ASS1: variants seen among roughly 807,000 people sequenced by gnomAD.
ASS1 encodes argininosuccinate synthase 1.
ASS1 carries 58 observed loss-of-function variants against 60.5 expected under a neutral mutation model. The observed-to-expected ratio is 0.96, with a 90% CI of 0.78 to 1.19. ASS1 has a LOEUF of 1.19. Among genes scored for constraint, ASS1 ranks in the 50% most tolerant of loss-of-function variants. ASS1 has a pLI of 0.00. For synonymous variants in ASS1, 200 were observed against 206.9 expected (o/e 0.97, Z 0.29); for missense variants, 454 against 547.3 (o/e 0.83, Z 1.70).
In ASS1 at chr9:130,470,131, G is replaced by A. The variant is rs1845832914; in HGVS notation, c.496-703G>A. ...AGCCTCATCTTCTTCCTCCTCTTAAGGCTGAGTCAGGTGGGCCTTCCATGC... is the reference window on the plus strand; with the variant it reads ...AGCCTCATCTTCTTCCTCCTCTTAAAGCTGAGTCAGGTGGGCCTTCCATGC... On this transcript the variant is annotated intron_variant, in intron 6 of 14. Coordinates refer to ENST00000352480, the MANE Select transcript of ASS1 (RefSeq NM_054012.4). The surrounding 1 kb of genome is among the most constrained non-coding windows in gnomAD (Gnocchi z 4.3). Among the ~76,000 whole-genome samples, 1 of 152,198 alleles carries A rather than the reference G, an allele frequency of 6.6e-6. No individual in the cohort carries two copies. Among genetic ancestry groups the A allele is most frequent in the African/African-American group, 2.4e-5 (1 of 41,452 alleles).
rs376408214 is a variant in ASS1, at chr9:130,479,281, CTG to C, written c.689-412_689-411del. On this transcript the variant is annotated intron_variant, in intron 9 of 14. Coordinates refer to ENST00000352480, the MANE Select transcript of ASS1 (RefSeq NM_054012.4). ...TCCGCCTGACAGACGTGGCAGGGGGCTGTGTGTGTGTGTGTGTGTGTGTGAGC... is the reference window on the plus strand; with the variant it reads ...TCCGCCTGACAGACGTGGCAGGGGGCTGTGTGTGTGTGTGTGTGTGTGAGC... Among the ~76,000 whole-genome samples the C allele has an allele frequency of 5.3e-3, 785 of 147,500 alleles. 6 individuals carry two copies. Among genetic ancestry groups the C allele is most frequent in the Middle Eastern group, 0.025 (7 of 278 alleles).
At chr9:130,481,285 G>C (rs192479679) in intron 11 of ASS1, among the ~76,000 whole-genome samples, 1 of 152,254 alleles carries the variant, frequency 6.6e-6, no homozygotes, top group Admixed American at 6.5e-5. Flanking sequence ...TCTTTCTTGG[G>C]GGTCCTAAGA....
chr9:130,456,821 G>A (rs139045510), intron 3 of ASS1, among the ~76,000 whole-genome samples: 2,351 of 152,056 alleles, frequency 0.015, 57 homozygotes, highest in African/African-American at 0.053. Context: ...AGCCACTCGG[G>A]AGGCTGAGGC....
chr9:130,475,031 A>G (rs1341400672), intron 8 of ASS1, among the ~76,000 whole-genome samples: 1 of 152,210 alleles, frequency 6.6e-6, no homozygotes, highest in Non-Finnish European at 1.5e-5. Context: ...TGGAGGATCC[A>G]CCACAGTCCC....
chr9:130,473,466 GGGGCACCCAGAGTCCCACCC>G (rs1845923133), intron 8 of ASS1, among the ~76,000 whole-genome samples: 1 of 149,914 alleles, frequency 6.7e-6, no homozygotes, highest in African/African-American at 2.4e-5. Context: ...TGAGAGGCCC[GGGGCACCCAGAGTCCCACCC>G]AGGCACCCAG....
rs147253038 is a variant in ASS1, at chr9:130,453,020, G to A, written c.105+687G>A. Among the ~76,000 whole-genome samples the A allele has an allele frequency of 3.4e-3, 525 of 152,352 alleles. 4 individuals carry two copies. The highest frequency in any genetic ancestry group is 0.012 in the African/African-American group (508 of 41,578). On this transcript the variant is annotated intron_variant, in intron 2 of 14. Transcript: ENST00000352480. ...TTGGCTCACACAACTGAGAACTCCA[G>A]GGGTAGGATGGCTTCAGGCAGGGCT...
Position 130,470,272 on chromosome 9 carries a change from G to A in ASS1, c.496-562G>A, listed in dbSNP as rs1779815673. Among the ~76,000 whole-genome samples the A allele has an allele frequency of 1.3e-5, 2 of 152,224 alleles. No individual in the cohort carries two copies. The highest frequency in any genetic ancestry group is 4.1e-4 in the South Asian group (2 of 4,834). ...AGCCAGAGCCGAGTGCCTTGGAGACGGGATCTGCTGGGTGTTCCCCTTCTA... is the reference window on the plus strand; with the variant it reads ...AGCCAGAGCCGAGTGCCTTGGAGACAGGATCTGCTGGGTGTTCCCCTTCTA... On this transcript the variant is annotated intron_variant, in intron 6 of 14. Transcript: ENST00000352480. This position sits in a 1 kb window ranked among gnomAD's most constrained non-coding sequence, Gnocchi z 4.3.
In ASS1 at chr9:130,477,689, G is replaced by T. The variant is rs954014748; in HGVS notation, c.688+728G>T. Among the ~76,000 whole-genome samples the T allele has an allele frequency of 1.3e-5, 2 of 152,172 alleles. No individual in the cohort carries two copies. The highest frequency in any genetic ancestry group is 2.9e-5 in the Non-Finnish European group (2 of 68,012). ...CTGGGCTCAGAGGGAGGGCTCAGAG[G>T]GCGGGCTCAGAGGGCCTGAAGGGGT... On this transcript the variant is annotated intron_variant, in intron 9 of 14. Coordinates refer to ENST00000352480, the MANE Select transcript of ASS1 (RefSeq NM_054012.4). The surrounding 1 kb of genome is among the most constrained non-coding windows in gnomAD (Gnocchi z 4.2).
At chr9:130,472,543 G>A (rs1845893495) in intron 8 of ASS1, among the ~76,000 whole-genome samples, 1 of 152,260 alleles carries the variant, frequency 6.6e-6, no homozygotes, top group East Asian at 1.9e-4. Context: ...TGCTCAGGGC[G>A]AGGGAACGGG....
intron 3 of ASS1, among the ~76,000 whole-genome samples, chr9:130,456,402 G>A (rs891289585): frequency 1.3e-5 from 2 of 152,010 alleles, no homozygotes; most frequent in Non-Finnish European, 2.9e-5. Context: ...GGAGGCGGAG[G>A]TTGCAGTAAG....
At position 130,494,481 on chromosome 9, in the gene ASS1, C is replaced by A. The variant is rs1846531201; in HGVS notation, c.971-386C>A. 6.6e-6 allele frequency among the ~76,000 whole-genome samples: 1 copy of A among 152,252 alleles called. No homozygotes were observed. Among genetic ancestry groups the A allele is most frequent in the Admixed American group, 6.5e-5 (1 of 15,284 alleles). On this transcript the variant is annotated intron_variant, in intron 12 of 14. Transcript: ENST00000352480. The surrounding 1 kb of genome is among the most constrained non-coding windows in gnomAD (Gnocchi z 4.3). ...TGTGCCTCTGAGTCCTGTCTGAGGTCTTCTGCCTCCCCCGGAGATTAGAGC... is the reference window on the plus strand; with the variant it reads ...TGTGCCTCTGAGTCCTGTCTGAGGTATTCTGCCTCCCCCGGAGATTAGAGC...
chr9:130,461,190 C>G (rs370935914), intron 4 of ASS1, among the ~76,000 whole-genome samples: 8 of 81,524 alleles, frequency 9.8e-5, no homozygotes, highest in African/African-American at 4.1e-4. Context: ...GCATTCAGGT[C>G]TGGTGGAGTG....
chr9:130,446,930 C>T (rs1845209026), intron 1 of ASS1, among the ~76,000 whole-genome samples: 1 of 152,182 alleles, frequency 6.6e-6, no homozygotes, highest in Non-Finnish European at 1.5e-5. Context: ...GGCGTGGCTC[C>T]CTCCCCAGAC....
rs147842617 is a variant in ASS1 at position 130,452,327 on chromosome 9, C to T, written c.99C>T (p.Ala33=). Residue 33 remains alanine (A), a synonymous_variant, in exon 2 of 15, where the codon GCC becomes GCT. Coordinates refer to ENST00000352480, the MANE Select transcript of ASS1 (RefSeq NM_054012.4). ...WLKEQGYDVI[A]YLANIGQKED... Reference sequence around the variant, plus strand: ...AGGAACAAGGCTATGACGTCATTGCCTATCTGGTGAGGGAGCGACCTGGGT... The same window carrying T: ...AGGAACAAGGCTATGACGTCATTGCTTATCTGGTGAGGGAGCGACCTGGGT... The T allele has an allele frequency of 1.3e-4, 215 of 1,613,918 alleles. No individual in the cohort carries two copies. In the African/African-American group the frequency reaches 2.4e-3, roughly 18 times the overall value.
rs1205861402 is a variant in ASS1, at chr9:130,471,477, C to T, written c.567-8C>T. Reference sequence around the variant, plus strand: ...CAGCTGACCCTGTCTTTCCTTTCCCCTCCGCAGCTACGAGGCTGGAATCCT... The same window carrying T: ...CAGCTGACCCTGTCTTTCCTTTCCCTTCCGCAGCTACGAGGCTGGAATCCT... On this transcript the variant is annotated splice_region_variant and splice_polypyrimidine_tract_variant and intron_variant, in intron 7 of 14. Coordinates refer to ENST00000352480, the MANE Select transcript of ASS1 (RefSeq NM_054012.4). The T allele has an allele frequency of 1.2e-6, 2 of 1,614,128 alleles. No homozygotes were observed. The highest frequency in any genetic ancestry group is 1.7e-6 in the Non-Finnish European group (2 of 1,179,974).
chr9:130,452,180 T>C, intron 1 of ASS1, 44 bp from the exon 2 acceptor site: 5 of 1,558,024 alleles, frequency 3.2e-6, no homozygotes, highest in Non-Finnish European at 4.4e-6. Context: ...CGGGGGGCAC[T>C]GGCTGTCTCA....
Position 130,456,539 on chromosome 9 carries a change from A to G in ASS1, c.175-1862A>G, listed in dbSNP as rs955872478. Among the ~76,000 whole-genome samples, 6 of 152,192 alleles carry G rather than the reference A, an allele frequency of 3.9e-5. No homozygotes were observed. The South Asian group carries it at 8.3e-4, about 21-fold the overall frequency. ...ATGTTTTTTATATATCCTTAGTCCCAATTGCTTTCTTTTCTATGCCTTTTT... is the reference window on the plus strand; with the variant it reads ...ATGTTTTTTATATATCCTTAGTCCCGATTGCTTTCTTTTCTATGCCTTTTT... On this transcript the variant is annotated intron_variant, in intron 3 of 14. Transcript: ENST00000352480.
At position 130,494,815 on chromosome 9, in the gene ASS1, T is replaced by C; in HGVS notation, c.971-52T>C. On this transcript the variant is annotated intron_variant, in intron 12 of 14. Transcript: ENST00000352480. The surrounding 1 kb of genome is among the most constrained non-coding windows in gnomAD (Gnocchi z 4.3). ...TTCCTGTGCCCCAGGTCTCCCTGTG[T>C]CCTCGCGGTGCAGGAGGCCTCCCTA... 6.2e-7 allele frequency: 1 copy of C among 1,607,320 alleles called. No homozygotes were observed. Among genetic ancestry groups the C allele is most frequent in the Non-Finnish European group, 8.5e-7 (1 of 1,174,872 alleles).
intron 13 of ASS1, among the ~76,000 whole-genome samples, chr9:130,497,157 T>C (rs1460295442): frequency 6.6e-6 from 1 of 152,178 alleles, no homozygotes; most frequent in Non-Finnish European, 1.5e-5. Context: ...TCTAATAATC[T>C]GTCCAACCCT....
Sources: allele counts gnomAD v4.1 joint callset (sites outside exome capture counted in the v4.1 genomes callset), GRCh38; gene constraint gnomAD v4.1.1; non-coding constraint Gnocchi (gnomAD v3.1); transcripts MANE v1.5; gene names NCBI Gene and HGNC (gene_info 2026-07-23, HGNC 2026-07-21).